Variants in PRKAR1B observed in about 807,000 individuals in gnomAD.
The protein encoded by PRKAR1B is cAMP-dependent protein kinase type I-beta regulatory subunit.
Under a neutral mutation model 46.5 loss-of-function variants are expected in PRKAR1B, and 22 were observed. The ratio of observed to expected loss-of-function variants is 0.47; its 90% CI spans 0.34 to 0.68. The LOEUF (loss-of-function observed/expected upper bound fraction) is 0.68, where lower values mean the gene tolerates loss of function less well. Among genes scored for constraint, PRKAR1B ranks in the 30% least tolerant of loss-of-function variants. The pLI, the probability that PRKAR1B is intolerant of heterozygous loss-of-function variation, is 0.01. For missense variants in PRKAR1B, 445 were observed against 535.6 expected (o/e 0.83, Z 1.67); for synonymous variants, 259 against 217.7 (o/e 1.19, Z -1.67).
chr7:675,970 A>T (rs1422228421), intron 4 of PRKAR1B, among the ~76,000 whole-genome samples: 1 of 152,100 alleles, frequency 6.6e-6, no homozygotes, highest in Admixed American at 6.6e-5. Context: ...ATAGAGATTT[A>T]AAAAATGCAA....
At chr7:672,527 G>C (rs1026404338) in intron 4 of PRKAR1B, among the ~76,000 whole-genome samples, 3 of 151,714 alleles carry the variant, frequency 2.0e-5, no homozygotes, top group Admixed American at 1.3e-4. Context: ...GGGAATATTT[G>C]AGCCAGAAAA....
chr7:653,686 C>T (rs1444203017), intron 4 of PRKAR1B, among the ~76,000 whole-genome samples: 1 of 152,184 alleles, frequency 6.6e-6, no homozygotes, highest in Non-Finnish European at 1.5e-5. Context: ...CATGGTGCTA[C>T]ATAGCTGGGG....
intron 4 of PRKAR1B, among the ~76,000 whole-genome samples, chr7:669,883 T>TTTTTTTTTTTTA (rs770566286): frequency 2.1e-5 from 3 of 144,798 alleles, no homozygotes; most frequent in South Asian, 2.4e-4. Flanking sequence ...TTTTTTTTTT[T>TTTTTTTTTTTTA]GAGACGGAGT....
At position 606,212 on chromosome 7, in the gene PRKAR1B, AC is replaced by A. The variant is rs772009673; in HGVS notation, c.529del (p.Val177LeufsTer10). The A allele has an allele frequency of 6.2e-7, 1 of 1,614,010 alleles. No homozygotes were observed. The highest frequency in any genetic ancestry group is 8.5e-7 in the Non-Finnish European group (1 of 1,179,902). On this transcript the variant is annotated frameshift_variant, in exon 6 of 11. Coordinates refer to ENST00000537384, the MANE Select transcript of PRKAR1B (RefSeq NM_001164760.2). LOFTEE classifies it high-confidence loss of function. ...QGNEGDNFYV[V>X]DQGEVDVYVN... ...ACTCACATCCACTTCCCCTTGATCA[AC>A]GACATAGAAGTTGTCTCCTTCATTC...
At chr7:582,978 C>T (rs993008974) in intron 8 of PRKAR1B, among the ~76,000 whole-genome samples, 2 of 152,346 alleles carry the variant, frequency 1.3e-5, no homozygotes, top group Admixed American at 1.3e-4. Flanking sequence ...CAAAGCCACA[C>T]AGGTGATTCC....
intron 9 of PRKAR1B, chr7:565,769 G>T (rs753699170): frequency 3.3e-5 from 5 of 152,182 alleles, no homozygotes; most frequent in Non-Finnish European, 7.3e-5. Context: ...CTCAGGCTCC[G>T]TGAGGATCTG....
chr7:690,264 C>G (rs1402346311), intron 2 of PRKAR1B, among the ~76,000 whole-genome samples: 1 of 151,596 alleles, frequency 6.6e-6, no homozygotes, highest in African/African-American at 2.4e-5. Context: ...CTATTGCACT[C>G]CAGCCTGGGT....
intron 4 of PRKAR1B, among the ~76,000 whole-genome samples, chr7:616,492 T>G (rs1782830775): frequency 6.6e-6 from 1 of 152,262 alleles, no homozygotes; most frequent in Non-Finnish European, 1.5e-5. Context: ...TCTCCGGAGC[T>G]GCGTCCTGCC....
intron 2 of PRKAR1B, among the ~76,000 whole-genome samples, chr7:690,205 A>C (rs958159695): frequency 2.0e-5 from 3 of 151,860 alleles, no homozygotes; most frequent in Non-Finnish European, 4.4e-5. Context: ...CCGAGGCAGG[A>C]GAATCGCTTG....
chr7:650,531 C>T (rs1376460572), intron 4 of PRKAR1B, among the ~76,000 whole-genome samples: 1 of 152,236 alleles, frequency 6.6e-6, no homozygotes, highest in Non-Finnish European at 1.5e-5. Flanking sequence ...GTGCCCTCAC[C>T]CACTGCCTGC....
chr7:711,546 G>A lies in PRKAR1B; in HGVS notation c.-22-19C>T, dbSNP rs751977679. 3 of 1,604,272 alleles carry A rather than the reference G, an allele frequency of 1.9e-6. No individual in the cohort carries two copies. The highest frequency in any genetic ancestry group is 3.3e-5 in the Admixed American group (2 of 59,798). ...TTCCTTCCTGTCCAGAAAACACACA[G>A]ATCCCCAGGCCTGAGAGCTGCCCGG... On this transcript the variant is annotated intron_variant, in intron 1 of 10. Coordinates refer to ENST00000537384, the MANE Select transcript of PRKAR1B (RefSeq NM_001164760.2).
intron 8 of PRKAR1B, among the ~76,000 whole-genome samples, chr7:583,006 C>T (rs913986431): frequency 6.6e-6 from 1 of 152,126 alleles, no homozygotes; most frequent in South Asian, 2.1e-4. Flanking sequence ...CGAAACGTCC[C>T]GAGCAGGCAA....
intron 3 of PRKAR1B, among the ~76,000 whole-genome samples, chr7:678,459 C>T (rs1778464841): frequency 6.6e-6 from 1 of 152,226 alleles, no homozygotes; most frequent in Admixed American, 6.5e-5. Flanking sequence ...AAACCCATTC[C>T]TCCCGTCTGT....
chr7:632,265 C>T (rs1583328126), intron 4 of PRKAR1B, among the ~76,000 whole-genome samples: 1 of 152,326 alleles, frequency 6.6e-6, no homozygotes, highest in East Asian at 1.9e-4. Context: ...AGCAGCTCGG[C>T]CCCTGCAGAA....
intron 2 of PRKAR1B, among the ~76,000 whole-genome samples, chr7:695,289 G>A (rs1779667927): frequency 6.6e-6 from 1 of 152,184 alleles, no homozygotes; most frequent in Admixed American, 6.5e-5. Context: ...ATGTGCCCCA[G>A]AATCGAGTAA....
At chr7:588,684 ATG>A (rs1780767679) in intron 7 of PRKAR1B, among the ~76,000 whole-genome samples, 1 of 11,284 alleles carries the variant, frequency 8.9e-5, no homozygotes, top group Admixed American at 9.4e-4. Flanking sequence ...GATGACGATG[ATG>A]GTGATGGTGG....
At chr7:589,456 G>T (rs1354339203) in intron 7 of PRKAR1B, among the ~76,000 whole-genome samples, 1 of 151,726 alleles carries the variant, frequency 6.6e-6, no homozygotes, top group Non-Finnish European at 1.5e-5. Flanking sequence ...CTCCCAGAAG[G>T]TGATGACGAT....
At chr7:715,957 C>A (rs6950552) in intron 1 of PRKAR1B, among the ~76,000 whole-genome samples, 40 of 151,808 alleles carry the variant, frequency 2.6e-4, no homozygotes, top group South Asian at 1.7e-3. Context: ...CCTCGTGATC[C>A]GCCCGCCTTG....
At chr7:583,558 GTGCACACCCATGCA>G (rs1780392106) in intron 8 of PRKAR1B, among the ~76,000 whole-genome samples, 14 of 50,690 alleles carry the variant, frequency 2.8e-4, no homozygotes, top group Admixed American at 3.3e-4. Context: ...AAACACATGC[GTGCACACCCATGCA>G]CACACACTTG....
Sources: allele counts gnomAD v4.1 joint callset (sites outside exome capture counted in the v4.1 genomes callset), GRCh38; gene constraint gnomAD v4.1.1; transcripts MANE v1.5; gene names NCBI Gene and HGNC (gene_info 2026-07-23, HGNC 2026-07-21).